CSMD1: variants seen among roughly 807,000 people sequenced by gnomAD.
The protein encoded by CSMD1 is CUB and sushi domain-containing protein 1.
A neutral mutation model predicts 417.5 loss-of-function variants in CSMD1; 213 were observed. The ratio of observed to expected loss-of-function variants is 0.51; its 90% CI spans 0.46 to 0.57. The LOEUF is 0.57. Among genes scored for constraint, CSMD1 ranks in the 20% least tolerant of loss-of-function variants. CSMD1 has a pLI of 0.00. For synonymous variants in CSMD1, 2,862 were observed against 1,736.8 expected, an observed-to-expected ratio of 1.65 and a Z score of -16.11; for missense variants, 6,923 against 4,529.7, an observed-to-expected ratio of 1.53 and a Z score of -15.17.
intron 6 of CSMD1, among the ~76,000 whole-genome samples, chr8:3,729,607 C>T (rs1802705923): frequency 6.6e-6 from 1 of 152,030 alleles, no homozygotes; most frequent in Non-Finnish European, 1.5e-5. Flanking sequence ...AAGCCATTAG[C>T]AGATCTTAGT....
intron 1 of CSMD1, among the ~76,000 whole-genome samples, chr8:4,891,236 G>C (rs750686885): frequency 3.9e-5 from 6 of 152,210 alleles, no homozygotes; most frequent in Non-Finnish European, 5.9e-5. Flanking sequence ...AAAATTCTAT[G>C]TGCAAATAAT....
intron 7 of CSMD1, among the ~76,000 whole-genome samples, chr8:3,671,020 TG>T (rs2117527844): frequency 1.1e-5 from 1 of 91,442 alleles, no homozygotes; most frequent in East Asian, 3.0e-4. Context: ...TATATGTATA[TG>T]GGATATATGC....
intron 5 of CSMD1, among the ~76,000 whole-genome samples, chr8:3,984,348 G>A (rs1645255370): frequency 1.3e-5 from 2 of 152,146 alleles, no homozygotes; most frequent in Non-Finnish European, 2.9e-5. Context: ...AGAAAATGCT[G>A]ACGACAGATC....
intron 1 of CSMD1, among the ~76,000 whole-genome samples, chr8:4,832,546 G>A (rs997616187): frequency 6.6e-6 from 1 of 152,168 alleles, no homozygotes; most frequent in African/African-American, 2.4e-5. Flanking sequence ...CATGAGGTAT[G>A]CAAGGTTTTA....
At chr8:3,635,310 C>T (rs1358653948) in intron 7 of CSMD1, among the ~76,000 whole-genome samples, 1 of 151,970 alleles carries the variant, frequency 6.6e-6, no homozygotes, top group Non-Finnish European at 1.5e-5. Context: ...CCCATCTCTA[C>T]TAAAAATACA....
At chr8:3,403,099 T>C (rs1405728727) in intron 15 of CSMD1, among the ~76,000 whole-genome samples, 1 of 152,226 alleles carries the variant, frequency 6.6e-6, no homozygotes, top group Non-Finnish European at 1.5e-5. Context: ...GTTTCTACTT[T>C]AATTGGAATA....
intron 5 of CSMD1, among the ~76,000 whole-genome samples, chr8:3,818,050 T>C (rs1291809239): frequency 6.6e-6 from 1 of 152,184 alleles, no homozygotes; most frequent in African/African-American, 2.4e-5. Flanking sequence ...TCTCGTTCTA[T>C]TCGGCTTGGA....
intron 2 of CSMD1, among the ~76,000 whole-genome samples, chr8:4,474,999 G>T (rs545507432): frequency 6.6e-6 from 1 of 152,136 alleles, no homozygotes; most frequent in Admixed American, 6.5e-5. Context: ...CGTTTTGGGG[G>T]AGTTGAAAGT....
chr8:4,001,497 G>T (rs1271007692), intron 4 of CSMD1, among the ~76,000 whole-genome samples: 1 of 152,156 alleles, frequency 6.6e-6, no homozygotes, highest in East Asian at 1.9e-4. Context: ...ACAGAACTGT[G>T]CTGGTGCCCA....
At chr8:3,982,274 C>G (rs1417994164) in intron 5 of CSMD1, among the ~76,000 whole-genome samples, 1 of 151,156 alleles carries the variant, frequency 6.6e-6, no homozygotes, top group Non-Finnish European at 1.5e-5. Context: ...GATTTAAATC[C>G]TGGTCTACAT....
chr8:3,626,988 G>C (rs984446611), intron 7 of CSMD1, among the ~76,000 whole-genome samples: 1 of 151,664 alleles, frequency 6.6e-6, no homozygotes, highest in African/African-American at 2.4e-5. Flanking sequence ...ACCATAGTAC[G>C]ATATATAAAA....
intron 3 of CSMD1, among the ~76,000 whole-genome samples, chr8:4,353,450 T>A (rs1801215409): frequency 6.6e-6 from 1 of 152,064 alleles, no homozygotes; most frequent in Non-Finnish European, 1.5e-5. Context: ...TATGTCTTTA[T>A]TAGCAGTGTG....
intron 3 of CSMD1, among the ~76,000 whole-genome samples, chr8:4,194,144 C>G (rs1563252979): frequency 6.6e-6 from 1 of 151,984 alleles, no homozygotes; most frequent in African/African-American, 2.4e-5. Flanking sequence ...TAAAAATGAC[C>G]AAGAAAACAA....
chr8:4,481,927 C>A (rs1801120480), intron 2 of CSMD1, among the ~76,000 whole-genome samples: 2 of 152,124 alleles, frequency 1.3e-5, no homozygotes, highest in Non-Finnish European at 2.9e-5. Context: ...GTGGAAACAA[C>A]AGAATGCAGA....
intron 5 of CSMD1, among the ~76,000 whole-genome samples, chr8:3,886,410 G>A (rs1368470167): frequency 1.3e-5 from 2 of 152,182 alleles, no homozygotes; most frequent in Admixed American, 6.6e-5. Context: ...TGTGGTAGCA[G>A]TGATTTAGAA....
chr8:3,041,052 T>A (rs1310924251), intron 50 of CSMD1, among the ~76,000 whole-genome samples: 1 of 152,164 alleles, frequency 6.6e-6, no homozygotes, highest in Non-Finnish European at 1.5e-5. Flanking sequence ...TCAATATTTC[T>A]GTACAAGAAA....
At chr8:3,794,142 T>C (rs1799907490) in intron 5 of CSMD1, among the ~76,000 whole-genome samples, 2 of 152,138 alleles carry the variant, frequency 1.3e-5, no homozygotes, top group African/African-American at 4.8e-5. Flanking sequence ...GTGTTTGTGT[T>C]TTCCCATTAT....
intron 30 of CSMD1, among the ~76,000 whole-genome samples, chr8:3,211,152 C>A (rs1797583558): frequency 6.6e-6 from 1 of 152,300 alleles, no homozygotes; most frequent in South Asian, 2.1e-4. Flanking sequence ...TCAAGTGATA[C>A]TCCCACTACA....
intron 4 of CSMD1, among the ~76,000 whole-genome samples, chr8:4,028,089 A>T (rs751022329): frequency 5.6e-4 from 85 of 152,182 alleles, no homozygotes; most frequent in Non-Finnish European, 1.1e-3. Flanking sequence ...AAAAGTAATT[A>T]ATAAGAAAAA....
Sources: allele counts gnomAD v4.1 joint callset (sites outside exome capture counted in the v4.1 genomes callset), GRCh38; gene constraint gnomAD v4.1.1; transcripts MANE v1.5; gene names NCBI Gene and HGNC (gene_info 2026-07-23, HGNC 2026-07-21).